KIF16B: variants seen among roughly 807,000 people sequenced by gnomAD.
KIF16B encodes the protein kinesin-like protein KIF16B.
In KIF16B, 98 loss-of-function variants were observed where a neutral mutation model predicts 156.3. That is an observed-to-expected ratio of 0.63 (90% CI 0.53 to 0.74). The LOEUF (loss-of-function observed/expected upper bound fraction) is 0.74, where lower values mean the gene tolerates loss of function less well. KIF16B is among the 30% of genes least tolerant of loss of function. KIF16B has a pLI of 0.00. For missense variants in KIF16B, 1,421 were observed against 1,606.5 expected, an observed-to-expected ratio of 0.88 and a Z score of 1.97; for synonymous variants, 564 against 583.7, an observed-to-expected ratio of 0.97 and a Z score of 0.49.
At chr20:16,274,360 A>T (rs2063029858) in intron 25 of KIF16B, among the ~76,000 whole-genome samples, 1 of 152,202 alleles carries the variant, frequency 6.6e-6, no homozygotes, top group Admixed American at 6.5e-5. Flanking sequence ...GCACTGAGAA[A>T]GCAAAGCATA....
intron 22 of KIF16B, among the ~76,000 whole-genome samples, chr20:16,360,883 G>A (rs2064538752): frequency 6.6e-6 from 1 of 152,148 alleles, no homozygotes; most frequent in East Asian, 1.9e-4. Context: ...ACAGGAAGCG[G>A]CACTTACATC....
At chr20:16,497,731 G>A in intron 10 of KIF16B, 53 bp from the exon 11 acceptor site, 1 of 1,303,214 alleles carries the variant, frequency 7.7e-7, no homozygotes, top group East Asian at 2.3e-5. Flanking sequence ...CAATAATCTA[G>A]GTTTTTCCCT....
In KIF16B at chr20:16,372,848, C is replaced by G. The variant is rs150863796; in HGVS notation, c.3351-1087G>C. Among the ~76,000 whole-genome samples the G allele has an allele frequency of 4.1e-3, 629 of 152,304 alleles. 2 individuals are homozygous for G. Among genetic ancestry groups the G allele is most frequent in the Admixed American group, 6.5e-3 (99 of 15,302 alleles). ...AGGTAGCTGGGATTACAGGCACCCG[C>G]CACCACACCCGGCTAATTTTCATAT... On this transcript the variant is annotated intron_variant, in intron 20 of 25. Coordinates refer to ENST00000354981, the MANE Select transcript of KIF16B (RefSeq NM_024704.5).
At chr20:16,403,588 A>G (rs1292713784) in intron 17 of KIF16B, among the ~76,000 whole-genome samples, 1 of 152,204 alleles carries the variant, frequency 6.6e-6, no homozygotes, top group African/African-American at 2.4e-5. Context: ...GAAATCCTGG[A>G]AAGCGGGGGT....
At chr20:16,539,035 C>G (rs537310207) in intron 1 of KIF16B, among the ~76,000 whole-genome samples, 1 of 152,170 alleles carries the variant, frequency 6.6e-6, no homozygotes, top group South Asian at 2.1e-4. Context: ...TCCTGTATAG[C>G]CATCAGTGCA....
At chr20:16,462,344 C>T (rs1428215188) in intron 12 of KIF16B, among the ~76,000 whole-genome samples, 2 of 152,192 alleles carry the variant, frequency 1.3e-5, no homozygotes, top group African/African-American at 4.8e-5. Flanking sequence ...CTCACAACTC[C>T]TTTTTCACCA....
intron 12 of KIF16B, among the ~76,000 whole-genome samples, chr20:16,492,962 A>C (rs952961925): frequency 6.6e-6 from 1 of 152,212 alleles, no homozygotes; most frequent in African/African-American, 2.4e-5. Flanking sequence ...AATGCAACTT[A>C]AACAACAACA....
At chr20:16,447,765 T>C (rs1174925044) in intron 12 of KIF16B, among the ~76,000 whole-genome samples, 3 of 152,084 alleles carry the variant, frequency 2.0e-5, no homozygotes, top group African/African-American at 7.2e-5. Context: ...TCTAACAAAC[T>C]AGAAATATTG....
At chr20:16,426,759 A>C (rs563772040) in intron 15 of KIF16B, among the ~76,000 whole-genome samples, 34 of 152,186 alleles carry the variant, frequency 2.2e-4, no homozygotes, top group African/African-American at 8.0e-4. Context: ...TATTAAGATG[A>C]ATATAAATAA....
chr20:16,284,020 C>A (rs6034438), intron 25 of KIF16B, among the ~76,000 whole-genome samples: 1 of 152,110 alleles, frequency 6.6e-6, no homozygotes, highest in Non-Finnish European at 1.5e-5. Context: ...CACGCTTCTG[C>A]GAAAGTTGTA....
chr20:16,425,154 G>A (rs1468956147), intron 15 of KIF16B, among the ~76,000 whole-genome samples: 2 of 152,218 alleles, frequency 1.3e-5, no homozygotes, highest in African/African-American at 4.8e-5. Context: ...GCTCCTTGGA[G>A]AATTGGTTAG....
intron 1 of KIF16B, among the ~76,000 whole-genome samples, chr20:16,545,817 G>A (rs1387699041): frequency 1.3e-5 from 2 of 151,796 alleles, no homozygotes; most frequent in Admixed American, 1.3e-4. Flanking sequence ...ACAAAGAAGT[G>A]TGTTTTCTCT....
At chr20:16,338,399 T>G (rs1331783156) in intron 23 of KIF16B, among the ~76,000 whole-genome samples, 1 of 152,190 alleles carries the variant, frequency 6.6e-6, no homozygotes, top group South Asian at 2.1e-4. Flanking sequence ...TTCACCCTGG[T>G]TGCTTCCCCA....
intron 1 of KIF16B, among the ~76,000 whole-genome samples, chr20:16,529,813 T>G (rs1194916537): frequency 8.6e-5 from 13 of 152,046 alleles, no homozygotes; most frequent in African/African-American, 3.1e-4. Context: ...TAGCCGGCCA[T>G]GGTGGCGCAT....
At chr20:16,429,669 A>C (rs1221789169) in intron 13 of KIF16B, among the ~76,000 whole-genome samples, 194 bp downstream of exon 13, 3 of 152,186 alleles carry the variant, frequency 2.0e-5, no homozygotes, top group Non-Finnish European at 4.4e-5. Flanking sequence ...TTAACTTTAG[A>C]TAACAAGGGA....
At position 16,378,314 on chromosome 20, in the gene KIF16B, G is replaced by A. The variant is rs558910859; in HGVS notation, c.3197+491C>T. Reference sequence around the variant, plus strand: ...GGAGCAAGTCAGAGAGGGGCAAGGAGGGAAGGAAGAAAGGGGAGGGAGAGG... The same window carrying A: ...GGAGCAAGTCAGAGAGGGGCAAGGAAGGAAGGAAGAAAGGGGAGGGAGAGG... On this transcript the variant is annotated intron_variant, in intron 19 of 25. Coordinates refer to ENST00000354981, the MANE Select transcript of KIF16B (RefSeq NM_024704.5). Among the ~76,000 whole-genome samples, 14 of 151,680 alleles carry A rather than the reference G, an allele frequency of 9.2e-5. No homozygotes were observed. In the South Asian group the frequency reaches 2.7e-3, roughly 30 times the overall value.
chr20:16,571,872 G>A (rs1417249763), intron 1 of KIF16B, among the ~76,000 whole-genome samples: 3 of 151,996 alleles, frequency 2.0e-5, no homozygotes, highest in Non-Finnish European at 4.4e-5. Context: ...CTTGTGATCC[G>A]CCCGCCTCGG....
rs2063670190 is a variant in KIF16B at position 16,314,675 on chromosome 20, C to T, written c.3712-2257G>A. ...AATGAAACCAAACTTTAAAAGGATT[C>T]CGTGAAGATTTAGTGACTGGATTTT... On this transcript the variant is annotated intron_variant, in intron 24 of 25. Transcript: ENST00000354981. Among the ~76,000 whole-genome samples the T allele has an allele frequency of 2.0e-5, 3 of 152,144 alleles. No individual in the cohort carries two copies. The South Asian group carries it at 6.2e-4, about 31-fold the overall frequency.
intron 22 of KIF16B, 47 bp downstream of exon 22, chr20:16,370,539 T>C: frequency 2.8e-6 from 4 of 1,436,102 alleles, no homozygotes; most frequent in African/African-American, 1.5e-5. Flanking sequence ...CACATGAGCA[T>C]GCCATAATTT....
Sources: gnomAD v4.1 joint callset for allele counts (sites outside exome capture counted in the v4.1 genomes callset) on GRCh38, gnomAD v4.1.1 for gene constraint, MANE v1.5 for transcripts, NCBI Gene and HGNC (gene_info 2026-07-23, HGNC 2026-07-21) for gene names.